Variants in GOLGA8T observed in about 807,000 individuals in gnomAD.
The protein encoded by GOLGA8T is golgin A8 family member T.
Under a neutral mutation model 52.0 loss-of-function variants are expected in GOLGA8T, and 17 were observed. The observed-to-expected ratio is 0.33, with a 90% CI of 0.22 to 0.49. GOLGA8T has a LOEUF of 0.49. Ranked by LOEUF, GOLGA8T falls within the 20% of genes least tolerant of loss-of-function variation. GOLGA8T has a pLI of 0.99. For synonymous variants in GOLGA8T, 67 were observed against 169.5 expected, an observed-to-expected ratio of 0.40 and a Z score of 4.70; for missense variants, 154 against 462.1, an observed-to-expected ratio of 0.33 and a Z score of 6.11.
rs773017869 is a variant in GOLGA8T, at chr15:30,142,355, A to C, written c.1173A>C (p.Val391=). Residue 391 remains valine (V), a synonymous_variant, in exon 13 of 19, where the codon GTA becomes GTC. Coordinates refer to ENST00000569052, the MANE Select transcript of GOLGA8T (RefSeq NM_001355469.2). ...ACGCACTGCAGTTGGAGCAGCAAGT[A>C]AAGGAGCTACAGGAGAAGCTTGGCG... ...NKNALQLEQQ[V]KELQEKLGEE... The C allele has an allele frequency of 2.8e-4, 437 of 1,552,004 alleles. 20 individuals are homozygous for C. The highest frequency in any genetic ancestry group is 3.5e-4 in the South Asian group (31 of 87,570).
Position 30,142,332 on chromosome 15 carries a change from G to T in GOLGA8T, c.1150G>T (p.Ala384Ser). Residue 384 changes from alanine (A) to serine (S), a missense_variant, in exon 13 of 19, where the codon GCA becomes TCA. Physicochemically the swap from Ala to Ser is moderately conservative, Grantham distance 99. Coordinates refer to ENST00000569052, the MANE Select transcript of GOLGA8T (RefSeq NM_001355469.2). Reference sequence around the variant, plus strand: ...TGTCCAGAACAATGAGAACAAGAACGCACTGCAGTTGGAGCAGCAAGTAAA... The same window carrying T: ...TGTCCAGAACAATGAGAACAAGAACTCACTGCAGTTGGAGCAGCAAGTAAA... Reference protein sequence around the residue: ...FEEPNNENKNALQLEQQVKEL... With the variant: ...FEEPNNENKNSLQLEQQVKEL... The T allele has an allele frequency of 6.5e-7, 1 of 1,541,406 alleles. No homozygotes were observed. Among genetic ancestry groups the T allele is most frequent in the Non-Finnish European group, 8.7e-7 (1 of 1,153,628 alleles).
rs1320036239 is a variant in GOLGA8T at position 30,148,470 on chromosome 15, A to T, written c.*2903A>T. On this transcript the variant is annotated 3_prime_UTR_variant, in exon 19 of 19. Coordinates refer to ENST00000569052, the MANE Select transcript of GOLGA8T (RefSeq NM_001355469.2). ...TTTTAAAATAATATAACTATTAAAAAATGTAACTGCTATCTTAATGTTCTG... is the reference window on the plus strand; with the variant it reads ...TTTTAAAATAATATAACTATTAAAATATGTAACTGCTATCTTAATGTTCTG... Among the ~76,000 whole-genome samples, 3 of 128,518 alleles carry T rather than the reference A, an allele frequency of 2.3e-5. No homozygotes were observed. The highest frequency in any genetic ancestry group is 7.4e-5 in the African/African-American group (2 of 26,956). 84.3% of individuals were successfully genotyped at this position (128,518 alleles called of 152,430 possible).
intron 13 of GOLGA8T, 62 bp downstream of exon 13, chr15:30,142,444 G>T (rs2338478): frequency 3.2e-6 from 5 of 1,581,210 alleles, no homozygotes; most frequent in Admixed American, 3.5e-5. Flanking sequence ...AGCAGACTCT[G>T]GGGAGGGGAG....
In GOLGA8T at chr15:30,141,377, C is replaced by T. The variant is rs770410599; in HGVS notation, c.826C>T (p.Arg276Trp). The change falls in exon 11 of 19, where the codon CGG becomes TGG. Residue 276 changes from arginine to tryptophan, a missense_variant. Physicochemically the swap from Arg to Trp is moderately radical, Grantham distance 101 (BLOSUM62 -3). This residue lies in a region of GOLGA8T where 56 missense variants were observed against 134.2 expected (regional missense o/e 0.42). Transcript: ENST00000569052. ...GAAAGAGAAGCAGCAAGATATGCGTCGGGTAGAGGAGCTGGAGAGGAGCTT... is the reference window on the plus strand; with the variant it reads ...GAAAGAGAAGCAGCAAGATATGCGTTGGGTAGAGGAGCTGGAGAGGAGCTT... ...LKKEKQQDMR[R>W]VEELERSLSK... 9.1e-6 allele frequency: 14 copies of T among 1,544,474 alleles called. 1 individual carries two copies. Among genetic ancestry groups the T allele is most frequent in the African/African-American group, 6.7e-5 (3 of 44,974 alleles).
chr15:30,141,421 G>A lies in GOLGA8T; in HGVS notation c.870G>A (p.Gln290=). The A allele has an allele frequency of 5.9e-6, 9 of 1,528,564 alleles. 2 individuals carry two copies. The highest frequency in any genetic ancestry group is 7.8e-6 in the Non-Finnish European group (9 of 1,152,176). The allele number at this position is 1,528,564 out of a possible 1,614,324, so 94.7% of individuals were successfully genotyped here. ...GGAGCTTGTCCAAACTCAAAAACCAGATGGGTAAGATGGGGCTGGCATGAC... is the reference window on the plus strand; with the variant it reads ...GGAGCTTGTCCAAACTCAAAAACCAAATGGGTAAGATGGGGCTGGCATGAC... ...LERSLSKLKN[Q]MAEPLPPEPP... The change falls in exon 11 of 19, where the codon CAG becomes CAA. Residue 290 remains glutamine, a synonymous_variant. Coordinates refer to ENST00000569052, the MANE Select transcript of GOLGA8T (RefSeq NM_001355469.2).
In GOLGA8T at chr15:30,140,225, A is replaced by T. The variant is rs2057724278; in HGVS notation, c.591+441A>T. ...ATAAAACATGTCTGCAAGGGTTCAT[A>T]AAAAAGTCAGGAGAGAGCAACAAGA... On this transcript the variant is annotated intron_variant, in intron 8 of 18. Coordinates refer to ENST00000569052, the MANE Select transcript of GOLGA8T (RefSeq NM_001355469.2). 5 of 441,188 alleles carry T rather than the reference A, an allele frequency of 1.1e-5. 1 individual carries two copies. The highest frequency in any genetic ancestry group is 8.9e-5 in the African/African-American group (3 of 33,588). 27.3% of individuals were successfully genotyped at this position (441,188 alleles called of 1,614,324 possible).
Position 30,148,417 on chromosome 15 carries a change from T to C in GOLGA8T, c.*2850T>C, listed in dbSNP as rs528843013. 1.5e-5 allele frequency among the ~76,000 whole-genome samples: 2 copies of C among 130,578 alleles called. No homozygotes were observed. The highest frequency in any genetic ancestry group is 2.5e-4 in the South Asian group (1 of 4,038). 85.7% of individuals were successfully genotyped at this position (130,578 alleles called of 152,430 possible). A position where few individuals can be genotyped will look rare whatever the true frequency, so the allele number is the denominator to read the frequency against. Reference sequence around the variant, plus strand: ...ATGTAAATCAGCCCTATCCATAATATAGTTTCTCTAAAACTTTATCTTAGT... The same window carrying C: ...ATGTAAATCAGCCCTATCCATAATACAGTTTCTCTAAAACTTTATCTTAGT... On this transcript the variant is annotated 3_prime_UTR_variant, in exon 19 of 19. Coordinates refer to ENST00000569052, the MANE Select transcript of GOLGA8T (RefSeq NM_001355469.2).
rs1470416200 is a variant in GOLGA8T, at chr15:30,148,710, G to T, written c.*3143G>T. ...CCTAGAGTGGCCTTATTGACTGCTG[G>T]TGTGATGCCACTGTAATGTAATAAA... On this transcript the variant is annotated 3_prime_UTR_variant, in exon 19 of 19. Transcript: ENST00000569052. 1.4e-5 allele frequency among the ~76,000 whole-genome samples: 2 copies of T among 147,116 alleles called. No individual in the cohort carries two copies. Among genetic ancestry groups the T allele is most frequent in the Non-Finnish European group, 3.0e-5 (2 of 67,312 alleles).
chr15:30,136,328 G>T (rs1337233202), intron 1 of GOLGA8T, among the ~76,000 whole-genome samples: 1 of 148,072 alleles, frequency 6.8e-6, no homozygotes, highest in African/African-American at 2.5e-5. Context: ...GAAAAAACAT[G>T]AATGTACTTA....
rs1471179556 is a variant in GOLGA8T at position 30,141,996 on chromosome 15, A to C, written c.1069A>C (p.Ile357Leu). Residue 357 changes from isoleucine (I) to leucine (L), a missense_variant, in exon 12 of 19, where the codon ATT becomes CTT. By Grantham distance (5) the Ile-to-Leu change is conservative. Coordinates refer to ENST00000569052, the MANE Select transcript of GOLGA8T (RefSeq NM_001355469.2). ...GAGGCTTCGGAAGCAGGAGGAGAGG[A>C]TTCAGGAGCAGCACAAGAGCCTTCA... is the stretch of plus-strand genomic sequence containing the variant. The part of the protein sequence containing the change: ...EERLRKQEER[I>L]QEQHKSLQQL... 7.1e-6 allele frequency: 3 copies of C among 422,900 alleles called. No homozygotes were observed. Among genetic ancestry groups the C allele is most frequent in the South Asian group, 2.3e-5 (1 of 43,750 alleles). The allele number at this position is 422,900 out of a possible 1,614,324, so 26.2% of individuals were successfully genotyped here.
intron 13 of GOLGA8T, among the ~76,000 whole-genome samples, chr15:30,142,594 T>C (rs2081535): frequency 0.045 from 6,442 of 143,088 alleles, 440 homozygotes; most frequent in Middle Eastern, 0.091. Flanking sequence ...ATCATCATCC[T>C]AGCTAGAGGC....
chr15:30,141,456 G>C (rs547391313), intron 11 of GOLGA8T, 31 bp downstream of exon 11: 2 of 1,520,452 alleles, frequency 1.3e-6, no homozygotes, highest in East Asian at 2.4e-5. Context: ...CCTAGGAGCA[G>C]GACTGGCATC....
In GOLGA8T at chr15:30,148,373, G is replaced by A. The variant is rs552651830; in HGVS notation, c.*2806G>A. Among the ~76,000 whole-genome samples the A allele has an allele frequency of 1.7e-5, 2 of 114,308 alleles. No homozygotes were observed. Among genetic ancestry groups the A allele is most frequent in the Non-Finnish European group, 3.3e-5 (2 of 60,844 alleles). The allele number at this position is 114,308 out of a possible 152,430, so 75.0% of individuals were successfully genotyped here. On this transcript the variant is annotated 3_prime_UTR_variant, in exon 19 of 19. Coordinates refer to ENST00000569052, the MANE Select transcript of GOLGA8T (RefSeq NM_001355469.2). Reference sequence around the variant, plus strand: ...AAAAAATCAGCTCTAAAACCAAAGCGATTTTAGAAAATTTGAAAATGTAAA... The same window carrying A: ...AAAAAATCAGCTCTAAAACCAAAGCAATTTTAGAAAATTTGAAAATGTAAA...
At chr15:30,137,322 A>T (rs1243870353) in intron 2 of GOLGA8T, among the ~76,000 whole-genome samples, 1 of 134,878 alleles carries the variant, frequency 7.4e-6, no homozygotes, top group East Asian at 2.2e-4. Context: ...AGCTTGCAGT[A>T]GCCAAGATTA....
intron 11 of GOLGA8T, 80 bp downstream of exon 11, chr15:30,141,505 T>G: frequency 8.4e-7 from 1 of 1,190,400 alleles, no homozygotes; most frequent in South Asian, 1.3e-5. Context: ...CCCAGGGAGG[T>G]GGGTGGATGG....
chr15:30,142,441 T>A (rs1057197450), intron 13 of GOLGA8T, 59 bp downstream of exon 13: 9 of 1,581,906 alleles, frequency 5.7e-6, no homozygotes, highest in Non-Finnish European at 4.3e-6. Flanking sequence ...GGCAGCAGAC[T>A]CTGGGGAGGG....
In GOLGA8T at chr15:30,141,396, G is replaced by A. The variant is rs1258659301; in HGVS notation, c.845G>A (p.Arg282Lys). Residue 282 changes from arginine to lysine, a missense_variant, in exon 11 of 19, where the codon AGG becomes AAG. Arg to Lys is a conservative substitution (Grantham distance 26). Transcript: ENST00000569052. ...QDMRRVEELE[R>K]SLSKLKNQMA... ...ATGCGTCGGGTAGAGGAGCTGGAGA[G>A]GAGCTTGTCCAAACTCAAAAACCAG... 4.5e-6 allele frequency: 7 copies of A among 1,540,924 alleles called. 1 individual carries two copies. In the South Asian group the frequency reaches 5.8e-5, roughly 13 times the overall value.
chr15:30,148,686 C>G lies in GOLGA8T; in HGVS notation c.*3119C>G, dbSNP rs1180004096. ...CATGGAAATACTGAAAGATTTTTCC[C>G]TAGAGTGGCCTTATTGACTGCTGGT... On this transcript the variant is annotated 3_prime_UTR_variant, in exon 19 of 19. Transcript: ENST00000569052. Among the ~76,000 whole-genome samples the G allele has an allele frequency of 6.9e-6, 1 of 145,672 alleles. No homozygotes were observed. The highest frequency in any genetic ancestry group is 1.5e-5 in the Non-Finnish European group (1 of 67,058).
Position 30,144,703 on chromosome 15 carries a change from C to G in GOLGA8T, c.1369-76C>G. Reference sequence around the variant, plus strand: ...GCTGGCCCATGCCAGGACTCACCTCCACCTTCTCCATGACTTGAAAATGCC... The same window carrying G: ...GCTGGCCCATGCCAGGACTCACCTCGACCTTCTCCATGACTTGAAAATGCC... On this transcript the variant is annotated intron_variant, in intron 15 of 18. Transcript: ENST00000569052. The G allele has an allele frequency of 6.8e-6, 8 of 1,168,866 alleles. 1 individual carries two copies. The allele number at this position is 1,168,866 out of a possible 1,614,324, so 72.4% of individuals were successfully genotyped here. A position where few individuals can be genotyped will look rare whatever the true frequency, so the allele number is the denominator to read the frequency against.
Sources: gnomAD v4.1 joint callset for allele counts (sites outside exome capture counted in the v4.1 genomes callset) on GRCh38, gnomAD v4.1.1 for gene constraint, gnomAD v4.1.1 regional missense constraint, MANE v1.5 for transcripts, NCBI Gene and HGNC (gene_info 2026-07-23, HGNC 2026-07-21) for gene names.